KALRN: variants seen among roughly 807,000 people sequenced by gnomAD.
KALRN encodes kalirin.
In KALRN, 70 loss-of-function variants were observed where a neutral mutation model predicts 353.7. That is an observed-to-expected ratio of 0.20 (90% confidence interval 0.16 to 0.24). KALRN has a LOEUF of 0.24. Ranked by LOEUF, KALRN falls within the 10% of genes least tolerant of loss-of-function variation. The pLI is 1.00. For missense variants in KALRN, 2,791 were observed against 3,756.7 expected, an observed-to-expected ratio of 0.74 and a Z score of 6.72; for synonymous variants, 1,391 against 1,434.8, an observed-to-expected ratio of 0.97 and a Z score of 0.69.
At chr3:124,141,692 C>T (rs2066644479) in intron 1 of KALRN, among the ~76,000 whole-genome samples, 1 of 152,210 alleles carries the variant, frequency 6.6e-6, no homozygotes. Flanking sequence ...TGGTTAGTGA[C>T]TGCCTGGTTC....
chr3:124,359,787 T>C (rs2083817950), intron 10 of KALRN, among the ~76,000 whole-genome samples: 1 of 152,216 alleles, frequency 6.6e-6, no homozygotes, highest in African/African-American at 2.4e-5. Flanking sequence ...TGCTGGTGGC[T>C]GGTAATAGAA....
intron 1 of KALRN, among the ~76,000 whole-genome samples, chr3:124,119,377 G>A (rs762729138): frequency 6.6e-6 from 1 of 152,210 alleles, no homozygotes; most frequent in Non-Finnish European, 1.5e-5. Flanking sequence ...TCAGACCCAA[G>A]AAGATATTAA....
chr3:124,352,692 T>A (rs1171968198), intron 10 of KALRN, among the ~76,000 whole-genome samples: 1 of 150,798 alleles, frequency 6.6e-6, no homozygotes, highest in Admixed American at 6.6e-5. Context: ...TTTTTTTTTA[T>A]CAAACTTGAA....
chr3:124,657,810 G>A lies in KALRN; in HGVS notation c.6036+7G>A. On this transcript the variant is annotated splice_region_variant and intron_variant, in intron 41 of 59. Coordinates refer to ENST00000682506, the MANE Select transcript of KALRN (RefSeq NM_001388419.1). ...ACAGCTCTTTATTAAGCACGTGAGT[G>A]TCTCCCATCACCTCCTCCCCAACTC... 6.3e-7 allele frequency: 1 copy of A among 1,591,734 alleles called. No homozygotes were observed. Among genetic ancestry groups the A allele is most frequent in the Non-Finnish European group, 8.6e-7 (1 of 1,159,790 alleles).
intron 3 of KALRN, among the ~76,000 whole-genome samples, chr3:124,235,757 G>T (rs1220353635): frequency 6.6e-6 from 1 of 152,160 alleles, no homozygotes; most frequent in Non-Finnish European, 1.5e-5. Flanking sequence ...TCTCTTAGTG[G>T]GGCCAAAGCC....
intron 13 of KALRN, among the ~76,000 whole-genome samples, chr3:124,408,830 A>G (rs1348954935): frequency 6.6e-6 from 1 of 152,226 alleles, no homozygotes; most frequent in East Asian, 1.9e-4. Context: ...AGACCAAGAA[A>G]ACAGGAGGAA....
intron 13 of KALRN, among the ~76,000 whole-genome samples, chr3:124,404,991 T>G (rs1407917087): frequency 6.6e-6 from 1 of 152,198 alleles, no homozygotes; most frequent in Non-Finnish European, 1.5e-5. Flanking sequence ...CTAAGATCTA[T>G]TTGAGGTCAT....
intron 34 of KALRN, among the ~76,000 whole-genome samples, chr3:124,565,133 C>T (rs1003510853): frequency 6.6e-6 from 1 of 152,222 alleles, no homozygotes; most frequent in African/African-American, 2.4e-5. Context: ...CACTAGATGG[C>T]AGCAGCAGGC....
chr3:124,208,042 C>G (rs1010367016), intron 1 of KALRN, among the ~76,000 whole-genome samples: 2 of 152,212 alleles, frequency 1.3e-5, no homozygotes, highest in East Asian at 1.9e-4. Context: ...CTTTCCCCCC[C>G]AGTTCAGTGT....
chr3:124,330,665 G>A (rs993707992), intron 8 of KALRN, among the ~76,000 whole-genome samples: 5 of 152,308 alleles, frequency 3.3e-5, no homozygotes, highest in African/African-American at 9.6e-5. Context: ...TATCTGTGTA[G>A]ATACACATAA....
intron 3 of KALRN, among the ~76,000 whole-genome samples, chr3:124,240,903 G>A (rs16835215): frequency 0.067 from 10,145 of 152,138 alleles, 968 homozygotes; most frequent in East Asian, 0.46. Flanking sequence ...CCAGGTGCTC[G>A]TAATTGTTAG....
At chr3:124,466,602 T>C (rs1320035613) in intron 25 of KALRN, among the ~76,000 whole-genome samples, 1 of 152,214 alleles carries the variant, frequency 6.6e-6, no homozygotes, top group Non-Finnish European at 1.5e-5. Flanking sequence ...TAGGGTCATA[T>C]GTGAGTCTGA....
intron 11 of KALRN, among the ~76,000 whole-genome samples, chr3:124,389,839 T>C (rs1235529741): frequency 6.6e-6 from 1 of 152,178 alleles, no homozygotes; most frequent in Non-Finnish European, 1.5e-5. Context: ...TTTTTTGGCT[T>C]TTTTTTGTTT....
intron 34 of KALRN, among the ~76,000 whole-genome samples, chr3:124,594,793 A>T (rs991037366): frequency 8.6e-5 from 13 of 152,020 alleles, no homozygotes; most frequent in Non-Finnish European, 8.8e-5. Context: ...TCCCCAGGAG[A>T]TCAGCAAGCA....
chr3:124,237,887 G>A (rs2079980559), intron 3 of KALRN, among the ~76,000 whole-genome samples: 1 of 152,156 alleles, frequency 6.6e-6, no homozygotes, highest in Non-Finnish European at 1.5e-5. Context: ...CCAGCCAGCA[G>A]AAGACAAACA....
At chr3:124,483,992 T>C (rs1475890754) in intron 28 of KALRN, among the ~76,000 whole-genome samples, 2 of 152,206 alleles carry the variant, frequency 1.3e-5, no homozygotes, top group Non-Finnish European at 2.9e-5. Flanking sequence ...TTTTCCCTCA[T>C]TTGAAATATC....
intron 6 of KALRN, among the ~76,000 whole-genome samples, chr3:124,320,893 G>A (rs1003107097): frequency 6.6e-6 from 1 of 152,186 alleles, no homozygotes; most frequent in Non-Finnish European, 1.5e-5. Flanking sequence ...AAGTGGCTAG[G>A]GCAGCATTAA....
At chr3:124,629,171 A>G (rs2080451139) in intron 34 of KALRN, among the ~76,000 whole-genome samples, 1 of 152,166 alleles carries the variant, frequency 6.6e-6, no homozygotes, top group African/African-American at 2.4e-5. Flanking sequence ...GATCATGGTG[A>G]TGATGAGAAG....
At chr3:124,512,056 T>A (rs765556245) in intron 33 of KALRN, among the ~76,000 whole-genome samples, 1 of 152,222 alleles carries the variant, frequency 6.6e-6, no homozygotes, top group Non-Finnish European at 1.5e-5. Flanking sequence ...CAAACAGTAA[T>A]TTGAATGATA....
Sources: allele counts gnomAD v4.1 joint callset (sites outside exome capture counted in the v4.1 genomes callset), GRCh38; gene constraint gnomAD v4.1.1; transcripts MANE v1.5; gene names NCBI Gene and HGNC (gene_info 2026-07-23, HGNC 2026-07-21).